Variants in BMP2K observed in about 807,000 individuals in gnomAD.
BMP2K encodes BMP2 inducible kinase.
BMP2K carries 74 observed loss-of-function variants against 116.0 expected under a neutral mutation model. That is an observed-to-expected ratio of 0.64 (90% confidence interval 0.53 to 0.77). BMP2K has a LOEUF of 0.77. Ranked by LOEUF, BMP2K falls within the 30% of genes least tolerant of loss-of-function variation. The probability of loss-of-function intolerance (pLI) is 0.00; values close to 1 mark genes in which losing one functional copy is unlikely to be tolerated. For synonymous variants in BMP2K, 486 were observed against 502.5 expected, an observed-to-expected ratio of 0.97 and a Z score of 0.44; for missense variants, 1,365 against 1,403.6, an observed-to-expected ratio of 0.97 and a Z score of 0.44.
chr4:78,787,273 GA>G (rs1450788451), intron 1 of BMP2K, among the ~76,000 whole-genome samples: 2 of 152,196 alleles, frequency 1.3e-5, no homozygotes, highest in African/African-American at 4.8e-5. Context: ...AAAATAAGGA[GA>G]TAGAGATATT....
At chr4:78,895,233 G>C (rs1157119044) in intron 15 of BMP2K, among the ~76,000 whole-genome samples, 2 of 152,106 alleles carry the variant, frequency 1.3e-5, no homozygotes, top group African/African-American at 4.8e-5. Flanking sequence ...AATTTTTTTA[G>C]AAAGTCAATC....
intron 15 of BMP2K, among the ~76,000 whole-genome samples, chr4:78,890,312 C>T (rs1733359941): frequency 6.6e-6 from 1 of 151,942 alleles, no homozygotes; most frequent in Non-Finnish European, 1.5e-5. Context: ...CTTTTTAAAA[C>T]AATAGCTATG....
chr4:78,804,638 A>G (rs192730762), intron 1 of BMP2K, among the ~76,000 whole-genome samples: 8 of 151,634 alleles, frequency 5.3e-5, no homozygotes, highest in Admixed American at 2.6e-4. Context: ...ATGAAGTGGT[A>G]TCTCATTATG....
chr4:78,834,025 G>A (rs1483708009), intron 3 of BMP2K, among the ~76,000 whole-genome samples: 1 of 151,980 alleles, frequency 6.6e-6, no homozygotes, highest in East Asian at 1.9e-4. Context: ...AATGTTGTAA[G>A]ATTTTTCCAG....
intron 15 of BMP2K, among the ~76,000 whole-genome samples, chr4:78,909,829 C>A (rs1020237472): frequency 6.6e-6 from 1 of 152,196 alleles, no homozygotes; most frequent in Non-Finnish European, 1.5e-5. Context: ...GTTTCTTTTA[C>A]TCACCAATGT....
chr4:78,800,083 C>T (rs902701452), intron 1 of BMP2K, among the ~76,000 whole-genome samples: 2 of 152,174 alleles, frequency 1.3e-5, no homozygotes, highest in African/African-American at 4.8e-5. Flanking sequence ...TCTTCAGTAA[C>T]ATCAAGATAA....
At chr4:78,799,188 G>T (rs1308058755) in intron 1 of BMP2K, among the ~76,000 whole-genome samples, 1 of 151,880 alleles carries the variant, frequency 6.6e-6, no homozygotes, top group Non-Finnish European at 1.5e-5. Context: ...AACATATATA[G>T]GACCAGAATT....
intron 14 of BMP2K, chr4:78,880,030 A>G (rs998777917): frequency 6.6e-6 from 1 of 152,074 alleles, no homozygotes; most frequent in Non-Finnish European, 1.5e-5. Context: ...GCATTTTCCT[A>G]GAATTTATGT....
In BMP2K at chr4:78,865,561, A is replaced by G; in HGVS notation, c.1072A>G (p.Thr358Ala). Residue 358 changes from threonine (T) to alanine (A), a missense_variant, in exon 10 of 16, where the codon ACA (threonine) becomes GCA (alanine). By Grantham distance (58) the Thr-to-Ala change is moderately conservative (BLOSUM62 0). Transcript: ENST00000502613. ...ARKSQIKARI[T>A]DTIGPTETSI... Reference sequence around the variant, plus strand: ...AAATATATTCTTCTGTTGTAGAATAACAGATACCATTGGACCAACAGAAAC... The same window carrying G: ...AAATATATTCTTCTGTTGTAGAATAGCAGATACCATTGGACCAACAGAAAC... 1 of 1,613,856 alleles carries G rather than the reference A, an allele frequency of 6.2e-7. No homozygotes were observed. Among genetic ancestry groups the G allele is most frequent in the Admixed American group, 1.7e-5 (1 of 59,998 alleles).
chr4:78,796,623 A>C (rs1428253775), intron 1 of BMP2K, among the ~76,000 whole-genome samples: 1 of 152,184 alleles, frequency 6.6e-6, no homozygotes, highest in African/African-American at 2.4e-5. Context: ...GGCCACTTAA[A>C]GGAGTCCCAA....
At chr4:78,820,992 T>G (rs1729592320) in intron 1 of BMP2K, among the ~76,000 whole-genome samples, 1 of 152,248 alleles carries the variant, frequency 6.6e-6, no homozygotes, top group South Asian at 2.1e-4. Flanking sequence ...TATTCTATTT[T>G]GTAAAAGTAA....
intron 13 of BMP2K, among the ~76,000 whole-genome samples, chr4:78,873,656 CTCTGTGTGTGTGTGTGTGTG>C (rs1278020038): frequency 5.1e-5 from 7 of 138,192 alleles, no homozygotes; most frequent in Middle Eastern, 3.5e-3. Flanking sequence ...GCCTCCCAAC[CTCTGTGTGTGTGTGTGTGTG>C]TGTGTGTGTG....
intron 1 of BMP2K, among the ~76,000 whole-genome samples, chr4:78,792,100 T>A (rs1005313133): frequency 6.6e-6 from 1 of 152,224 alleles, no homozygotes; most frequent in South Asian, 2.1e-4. Flanking sequence ...CATCCTTGTC[T>A]CACCAACACT....
chr4:78,868,880 T>C (rs2110056007), intron 10 of BMP2K, among the ~76,000 whole-genome samples: 2 of 152,268 alleles, frequency 1.3e-5, no homozygotes, highest in South Asian at 4.1e-4. Context: ...ACAGTGTCTC[T>C]CCCGGCGGCT....
In BMP2K at chr4:78,872,595, A is replaced by G; in HGVS notation, c.1609-19A>G. ...TAGGACTGGAGCATTGTTTTGTATA[A>G]TATCATTTCTTTTTTCAGATGCCGC... On this transcript the variant is annotated intron_variant, in intron 12 of 15. Coordinates refer to ENST00000502613, the MANE Select transcript of BMP2K (RefSeq NM_198892.2). 3 of 1,610,880 alleles carry G rather than the reference A, an allele frequency of 1.9e-6. No individual in the cohort carries two copies. Among genetic ancestry groups the G allele is most frequent in the Non-Finnish European group, 8.5e-7 (1 of 1,178,440 alleles).
chr4:78,893,627 G>C (rs1296229008), intron 15 of BMP2K, among the ~76,000 whole-genome samples: 1 of 152,162 alleles, frequency 6.6e-6, no homozygotes, highest in African/African-American at 2.4e-5. Flanking sequence ...GAGTGGCATG[G>C]TCATAACTCA....
chr4:78,910,849 G>A lies in BMP2K; in HGVS notation c.2302G>A (p.Glu768Lys). 2 of 1,613,956 alleles carry A rather than the reference G, an allele frequency of 1.2e-6. No individual in the cohort carries two copies. Among genetic ancestry groups the A allele is most frequent in the East Asian group, 2.2e-5 (1 of 44,868 alleles). ...EQDDEEVLQGEQGDFNDDDTE... is the reference protein window; with the variant it reads ...EQDDEEVLQGKQGDFNDDDTE... ...AGATGATGAAGAAGTTCTTCAGGGG[G>A]AACAAGGAGATTTTAATGATGATGA... is the stretch of plus-strand genomic sequence containing the variant. Residue 768 changes from glutamate to lysine, a missense_variant, in exon 16 of 16, where the codon GAA (glutamate) becomes AAA (lysine). By Grantham distance (56) the Glu-to-Lys change is moderately conservative. Around this residue, in one of 3 missense-constraint regions of BMP2K, gnomAD observed 596 missense variants for 623.2 expected, o/e 0.96. Coordinates refer to ENST00000502613, the MANE Select transcript of BMP2K (RefSeq NM_198892.2).
chr4:78,834,561 T>G (rs1174674323), intron 3 of BMP2K, among the ~76,000 whole-genome samples: 1 of 152,040 alleles, frequency 6.6e-6, no homozygotes, highest in African/African-American at 2.4e-5. Flanking sequence ...GCGTCTGTCC[T>G]TAAAAATTTT....
chr4:78,855,024 A>G, intron 7 of BMP2K, among the ~76,000 whole-genome samples: 1 of 152,142 alleles, frequency 6.6e-6, no homozygotes. Context: ...TTCTACTTGT[A>G]GAGAGAGGGC....
Sources: allele counts gnomAD v4.1 joint callset (sites outside exome capture counted in the v4.1 genomes callset), GRCh38; gene constraint gnomAD v4.1.1; regional missense constraint gnomAD v4.1.1; transcripts MANE v1.5; gene names NCBI Gene and HGNC (gene_info 2026-07-23, HGNC 2026-07-21).